SIGLEC1: variants seen among roughly 807,000 people sequenced by gnomAD.
The protein encoded by SIGLEC1 is sialoadhesin.
A neutral mutation model predicts 148.0 loss-of-function variants in SIGLEC1; 132 were observed. The observed-to-expected ratio is 0.89, with a 90% CI of 0.77 to 1.03. The LOEUF (loss-of-function observed/expected upper bound fraction) is 1.03, where lower values mean the gene tolerates loss of function less well. SIGLEC1 is among the 50% of genes least tolerant of loss of function. The pLI, the probability that SIGLEC1 is intolerant of heterozygous loss-of-function variation, is 0.00. For synonymous variants in SIGLEC1, 945 were observed against 969.0 expected, an observed-to-expected ratio of 0.98 and a Z score of 0.46; for missense variants, 2,253 against 2,271.4, an observed-to-expected ratio of 0.99 and a Z score of 0.16.
In SIGLEC1 at chr20:3,688,479, A is replaced by T; in HGVS notation, c.*81T>A. On this transcript the variant is annotated 3_prime_UTR_variant, in exon 22 of 22. Transcript: ENST00000344754. Reference sequence around the variant, plus strand: ...TTCGTAGAGGCGGGCAGGACTCAACACTGCCTCATTCACATTCATAGGCTG... The same window carrying T: ...TTCGTAGAGGCGGGCAGGACTCAACTCTGCCTCATTCACATTCATAGGCTG... 1 of 1,196,608 alleles carries T rather than the reference A, an allele frequency of 8.4e-7. No homozygotes were observed. The highest frequency in any genetic ancestry group is 2.6e-5 in the East Asian group (1 of 39,214). 74.1% of individuals were successfully genotyped at this position (1,196,608 alleles called of 1,614,324 possible). A position where few individuals can be genotyped will look rare whatever the true frequency, so the allele number is the denominator to read the frequency against.
In SIGLEC1 at chr20:3,694,703, G is replaced by C. The variant is rs533177294; in HGVS notation, c.2904C>G (p.Ala968=). 1 of 1,613,880 alleles carries C rather than the reference G, an allele frequency of 6.2e-7. No homozygotes were observed. The highest frequency in any genetic ancestry group is 2.2e-5 in the East Asian group (1 of 44,886). Residue 968 remains alanine (A), a synonymous_variant, in exon 12 of 22, where the codon GCC becomes GCG. Transcript: ENST00000344754. The part of the protein sequence containing the change: ...YHCQAQAPGS[A]TTSLAAPISL... Reference sequence around the variant, plus strand: ...TGATGGGTGCAGCTAGGCTCGTGGTGGCTGAGCCTGGGGCCTGGGCTTGGC... The same window carrying C: ...TGATGGGTGCAGCTAGGCTCGTGGTCGCTGAGCCTGGGGCCTGGGCTTGGC...
At position 3,694,769 on chromosome 20, in the gene SIGLEC1, G is replaced by T; in HGVS notation, c.2838C>A (p.Arg946=). The change falls in exon 12 of 22, where the codon CGC becomes CGA. Residue 946 remains arginine, a synonymous_variant. Coordinates refer to ENST00000344754, the MANE Select transcript of SIGLEC1 (RefSeq NM_023068.4). ...CTTGTGTCAAAGTTATGGCTGCAAAGCGGAGCGTGGCCGAGGTCGACTCCT... is the reference window on the plus strand; with the variant it reads ...CTTGTGTCAAAGTTATGGCTGCAAATCGGAGCGTGGCCGAGGTCGACTCCT... ...PLQESTSATL[R]FAAITLTQAG... is the part of the protein sequence containing the mutation. 1 of 1,613,694 alleles carries T rather than the reference G, an allele frequency of 6.2e-7. No homozygotes were observed. Among genetic ancestry groups the T allele is most frequent in the Non-Finnish European group, 8.5e-7 (1 of 1,180,038 alleles).
In SIGLEC1 at chr20:3,697,105, G is replaced by A; in HGVS notation, c.2360C>T (p.Pro787Leu). Residue 787 changes from proline to leucine, a missense_variant, in exon 10 of 22, where the codon CCC (proline) becomes CTC (leucine). By Grantham distance (98) the Pro-to-Leu change is moderately conservative. Transcript: ENST00000344754. ...CCCACAGAGTACACTCAGGAGCACG[G>A]GAGTGGAGAGCTGGGCACCAGCCTC... The part of the protein sequence containing the change: ...LTEAGAQLST[P>L]VLLSVLYPPD... The A allele has an allele frequency of 6.2e-7, 1 of 1,612,550 alleles. No homozygotes were observed. The highest frequency in any genetic ancestry group is 8.5e-7 in the Non-Finnish European group (1 of 1,180,004).
chr20:3,691,144 C>A (rs2088756208), intron 18 of SIGLEC1, among the ~76,000 whole-genome samples, 196 bp downstream of exon 18: 1 of 152,174 alleles, frequency 6.6e-6, no homozygotes, highest in South Asian at 2.1e-4. Flanking sequence ...ATTTCTTATA[C>A]AACTTGCAGG....
chr20:3,701,217 T>A, intron 7 of SIGLEC1, 125 bp downstream of exon 7: 1 of 899,828 alleles, frequency 1.1e-6, no homozygotes, highest in Non-Finnish European at 1.7e-6. Flanking sequence ...CCCCTGTCTT[T>A]TATGTGGCGT....
intron 3 of SIGLEC1, 130 bp downstream of exon 3, chr20:3,706,217 C>A: frequency 7.2e-7 from 1 of 1,393,834 alleles, no homozygotes; most frequent in Non-Finnish European, 9.7e-7. Context: ...TGGGCCTACG[C>A]CGGGGCTGGA....
At chr20:3,695,649 C>T (rs2088813682) in intron 11 of SIGLEC1, among the ~76,000 whole-genome samples, 1 of 152,164 alleles carries the variant, frequency 6.6e-6, no homozygotes, top group African/African-American at 2.4e-5. Context: ...CAATTTCTTC[C>T]TGCGAAATAG....
At position 3,692,238 on chromosome 20, in the gene SIGLEC1, T is replaced by C. The variant is rs749321168; in HGVS notation, c.4031-36A>G. On this transcript the variant is annotated intron_variant, in intron 16 of 21. Transcript: ENST00000344754. ...GCAGGGCACAGATGGGGACCTTGCTTAGGCACCCTGTACTGCTCATTGCCT... is the reference window on the plus strand; with the variant it reads ...GCAGGGCACAGATGGGGACCTTGCTCAGGCACCCTGTACTGCTCATTGCCT... 9 of 1,511,566 alleles carry C rather than the reference T, an allele frequency of 6.0e-6. No homozygotes were observed. In the African/African-American group the frequency reaches 1.2e-4, roughly 21 times the overall value. 93.6% of individuals were successfully genotyped at this position (1,511,566 alleles called of 1,614,324 possible).
Position 3,696,643 on chromosome 20 carries a change from A to G in SIGLEC1, c.2626T>C (p.Cys876Arg), listed in dbSNP as rs528544686. The change falls in exon 11 of 22, where the codon TGT (cysteine) becomes CGT (arginine). Residue 876 changes from cysteine to arginine, a missense_variant. Cys to Arg is a radical substitution (Grantham distance 180, BLOSUM62 -3). Coordinates refer to ENST00000344754, the MANE Select transcript of SIGLEC1 (RefSeq NM_023068.4). The part of the protein sequence containing the change: ...LGLGDSGSYR[C>R]EATNVLGSSN... ...GATCCAAGAACATTTGTGGCCTCAC[A>G]GCGGTAGCTGCCAGAGTCCCCAAGG... 1.6e-5 allele frequency: 26 copies of G among 1,613,662 alleles called. No individual in the cohort carries two copies. Among genetic ancestry groups the G allele is most frequent in the Non-Finnish European group, 2.2e-5 (26 of 1,179,996 alleles).
At position 3,693,107 on chromosome 20, in the gene SIGLEC1, G is replaced by T. The variant is rs775566842; in HGVS notation, c.3533C>A (p.Thr1178Asn). ...VLYAPRNLRL[T>N]YLLESHGGQL... ...CCCGCCATGGCTCTCCAGGAGGTAGGTCAGGCGCAGGTTGCGGGGCGCGTC... is the reference window on the plus strand; with the variant it reads ...CCCGCCATGGCTCTCCAGGAGGTAGTTCAGGCGCAGGTTGCGGGGCGCGTC... Residue 1178 changes from threonine to asparagine, a missense_variant, in exon 15 of 22, where the codon ACC (threonine) becomes AAC (asparagine). Thr to Asn is a moderately conservative substitution (Grantham distance 65). Coordinates refer to ENST00000344754, the MANE Select transcript of SIGLEC1 (RefSeq NM_023068.4). 28 of 1,580,756 alleles carry T rather than the reference G, an allele frequency of 1.8e-5. No homozygotes were observed. The highest frequency in any genetic ancestry group is 1.7e-4 in the Middle Eastern group (1 of 5,884).
Position 3,693,493 on chromosome 20 carries a change from A to G in SIGLEC1, c.3462T>C (p.Pro1154=). Residue 1154 remains proline (P), a synonymous_variant, in exon 14 of 22, where the codon CCT becomes CCC. Coordinates refer to ENST00000344754, the MANE Select transcript of SIGLEC1 (RefSeq NM_023068.4). ...ATSYRCGVGP[P]GRAPRLSRPI... is the part of the protein sequence containing the mutation. ...GTCTGGAGAGGCGGGGTGCCCGACCAGGGGGGCCCACACCGCAGCGGTAGG... is the reference window on the plus strand; with the variant it reads ...GTCTGGAGAGGCGGGGTGCCCGACCGGGGGGGCCCACACCGCAGCGGTAGG... 1 of 1,605,942 alleles carries G rather than the reference A, an allele frequency of 6.2e-7. No individual in the cohort carries two copies.
In SIGLEC1 at chr20:3,688,259, G is replaced by GA. The variant is rs983719965; in HGVS notation, c.*300dup. The GA allele has an allele frequency of 8.1e-5, 33 of 409,816 alleles. No individual in the cohort carries two copies. The highest frequency in any genetic ancestry group is 7.4e-4 in the Admixed American group (19 of 25,680). The allele number at this position is 409,816 out of a possible 1,614,324, so 25.4% of individuals were successfully genotyped here. A position where few individuals can be genotyped will look rare whatever the true frequency, so the allele number is the denominator to read the frequency against. On this transcript the variant is annotated 3_prime_UTR_variant, in exon 22 of 22. Transcript: ENST00000344754. ...GGGTGACTTTCGAGGAGAAGGATGT[G>GA]AAAGGGCAGGGCTTCCTTTGAGGGA...
Position 3,692,700 on chromosome 20 carries a change from G to C in SIGLEC1, c.3851C>G (p.Pro1284Arg), listed in dbSNP as rs1387041035. The change falls in exon 16 of 22, where the codon CCT (proline) becomes CGT (arginine). Residue 1284 changes from proline (P) to arginine (R), a missense_variant. By Grantham distance (103) the Pro-to-Arg change is moderately radical. Transcript: ENST00000344754. The stretch of plus-strand genomic sequence containing the variant: ...ATAGAGTGTGGGTGCGTGGGCAGCA[G>C]GGTCCGCACAGGTCACTGTGATGGG... ...GAPITVTCADPAAHAPTLYTW... is the reference protein window; with the variant it reads ...GAPITVTCADRAAHAPTLYTW... 1 of 1,612,980 alleles carries C rather than the reference G, an allele frequency of 6.2e-7. No individual in the cohort carries two copies. The highest frequency in any genetic ancestry group is 1.7e-5 in the Admixed American group (1 of 60,034).
rs369874954 is a variant in SIGLEC1, at chr20:3,694,813, G to A, written c.2794C>T (p.Arg932Trp). The change falls in exon 12 of 22, where the codon CGG (arginine) becomes TGG (tryptophan). Residue 932 changes from arginine (R) to tryptophan (W), a missense_variant. Coordinates refer to ENST00000344754, the MANE Select transcript of SIGLEC1 (RefSeq NM_023068.4). ...VPEGTSYRWY[R>W]DGQPLQESTS... is the part of the protein sequence containing the mutation. ...GACTCCTGGAGGGGCTGGCCATCCC[G>A]ATACCAACGATATGAGGTCCCCTCT... is the stretch of plus-strand genomic sequence containing the variant. 9.3e-6 allele frequency: 15 copies of A among 1,613,454 alleles called. No homozygotes were observed. In the East Asian group the frequency reaches 1.3e-4, roughly 14 times the overall value.
At chr20:3,702,721 T>C (rs866415639) in intron 6 of SIGLEC1, among the ~76,000 whole-genome samples, 2 of 152,264 alleles carry the variant, frequency 1.3e-5, no homozygotes, top group Non-Finnish European at 2.9e-5. Flanking sequence ...AATATAAATA[T>C]GTAGGTAGAT....
At chr20:3,700,889 T>G (rs1241054375) in intron 7 of SIGLEC1, among the ~76,000 whole-genome samples, 1 of 151,754 alleles carries the variant, frequency 6.6e-6, no homozygotes, top group Non-Finnish European at 1.5e-5. Context: ...TTAGTAGAGA[T>G]GGGATTTCAC....
chr20:3,703,677 T>C, intron 5 of SIGLEC1, 148 bp downstream of exon 5: 1 of 1,176,386 alleles, frequency 8.5e-7, no homozygotes, highest in Non-Finnish European at 1.2e-6. Flanking sequence ...TGTCTCATGG[T>C]AAGGCAGGGC....
chr20:3,699,642 G>A (rs1396559732), intron 7 of SIGLEC1, among the ~76,000 whole-genome samples, 183 bp from the exon 8 acceptor site: 2 of 152,170 alleles, frequency 1.3e-5, no homozygotes, highest in Non-Finnish European at 2.9e-5. Context: ...GATGGCTGCA[G>A]CATGGTTGAA....
chr20:3,692,299 C>A lies in SIGLEC1; in HGVS notation c.4031-97G>T, dbSNP rs557025057. The A allele has an allele frequency of 2.3e-6, 3 of 1,297,928 alleles. No homozygotes were observed. In the African/African-American group the frequency reaches 4.4e-5, roughly 19 times the overall value. The allele number at this position is 1,297,928 out of a possible 1,614,324, so 80.4% of individuals were successfully genotyped here. A position where few individuals can be genotyped will look rare whatever the true frequency, so the allele number is the denominator to read the frequency against. ...GGTTGGTCAGGCTGAGGCCTCTGGA[C>A]CAATGGCCACTTCCTAGAAGTGACA... On this transcript the variant is annotated intron_variant, in intron 16 of 21. Transcript: ENST00000344754.
Sources: allele counts gnomAD v4.1 joint callset (sites outside exome capture counted in the v4.1 genomes callset), GRCh38; gene constraint gnomAD v4.1.1; transcripts MANE v1.5; gene names NCBI Gene and HGNC (gene_info 2026-07-23, HGNC 2026-07-21).